LAMA2: variants seen among roughly 807,000 people sequenced by gnomAD.
LAMA2 encodes the protein laminin subunit alpha-2.
A neutral mutation model predicts 364.8 loss-of-function variants in LAMA2; 269 were observed. That is an observed-to-expected ratio of 0.74 (90% CI 0.67 to 0.82). The LOEUF (loss-of-function observed/expected upper bound fraction) is 0.82. Among genes scored for constraint, LAMA2 ranks in the 40% least tolerant of loss-of-function variants. LAMA2 has a pLI of 0.00. For synonymous variants in LAMA2, 1,379 were observed against 1,370.6 expected (o/e 1.01, Z -0.14); for missense variants, 3,807 against 3,873.2 (o/e 0.98, Z 0.45).
At chr6:128,920,311 C>T (rs1778613781) in intron 1 of LAMA2, among the ~76,000 whole-genome samples, 1 of 152,056 alleles carries the variant, frequency 6.6e-6, no homozygotes, top group African/African-American at 2.4e-5. Flanking sequence ...GCGTGTGCCA[C>T]CACGCCCAGC....
At chr6:128,953,309 A>G (rs767884795) in intron 1 of LAMA2, among the ~76,000 whole-genome samples, 1 of 152,164 alleles carries the variant, frequency 6.6e-6, no homozygotes, top group Non-Finnish European at 1.5e-5. Context: ...CTTGATTTTA[A>G]GTAAAAGCAA....
chr6:129,201,495 C>T (rs761680777), intron 12 of LAMA2, among the ~76,000 whole-genome samples: 5 of 152,162 alleles, frequency 3.3e-5, no homozygotes, highest in Non-Finnish European at 5.9e-5. Context: ...TGATACAGGG[C>T]TGCTAATAGT....
intron 5 of LAMA2, among the ~76,000 whole-genome samples, chr6:129,146,075 GAAAC>G (rs1778414199): frequency 6.7e-6 from 1 of 149,808 alleles, no homozygotes; most frequent in African/African-American, 2.5e-5. Context: ...GAAGGAAAAA[GAAAC>G]AAAGAAGTAA....
chr6:129,330,598 G>GT (rs1554273762), intron 29 of LAMA2, among the ~76,000 whole-genome samples: 8,846 of 88,546 alleles, frequency 0.1, 494 homozygotes, highest in East Asian at 0.27. Flanking sequence ...TTTGGTTTTT[G>GT]TTTTTTTTTT....
intron 40 of LAMA2, among the ~76,000 whole-genome samples, chr6:129,409,303 A>T (rs1260795718): frequency 1.3e-5 from 2 of 152,152 alleles, no homozygotes; most frequent in East Asian, 3.9e-4. Context: ...TCAACTGATC[A>T]TGGGGAACTC....
chr6:129,142,473 G>C (rs1407369121), intron 4 of LAMA2, among the ~76,000 whole-genome samples: 1 of 151,932 alleles, frequency 6.6e-6, no homozygotes, highest in Non-Finnish European at 1.5e-5. Context: ...CCTACCAAAC[G>C]CCTTGCCCCC....
At chr6:129,487,616 C>T (rs1293921026) in intron 56 of LAMA2, among the ~76,000 whole-genome samples, 1 of 152,290 alleles carries the variant, frequency 6.6e-6, no homozygotes, top group East Asian at 1.9e-4. Context: ...CCTACATTTA[C>T]TAATTATCCT....
At chr6:129,112,100 T>G (rs1776193448) in intron 4 of LAMA2, among the ~76,000 whole-genome samples, 1 of 152,036 alleles carries the variant, frequency 6.6e-6, no homozygotes, top group Non-Finnish European at 1.5e-5. Flanking sequence ...TTACATGTTT[T>G]AAAACCTGAC....
At chr6:129,453,260 A>G in intron 46 of LAMA2, 129 bp downstream of exon 46, 1 of 853,936 alleles carries the variant, frequency 1.2e-6, no homozygotes, top group Non-Finnish European at 1.9e-6. Flanking sequence ...AGATTTGAAA[A>G]CCTCAACGTC....
At chr6:129,236,705 A>G (rs1394311572) in intron 12 of LAMA2, among the ~76,000 whole-genome samples, 2 of 152,134 alleles carry the variant, frequency 1.3e-5, no homozygotes, top group Admixed American at 1.3e-4. Context: ...TAATAGATTA[A>G]TATATACTCA....
At chr6:128,983,014 G>A (rs550182885) in intron 1 of LAMA2, among the ~76,000 whole-genome samples, 2 of 150,284 alleles carry the variant, frequency 1.3e-5, no homozygotes, top group Non-Finnish European at 2.9e-5. Context: ...GTCTATCATT[G>A]TTGTACATTT....
rs1482250793 is a variant in LAMA2 at position 129,267,228 on chromosome 6, T to A, written c.2322+9T>A. 1 of 1,562,094 alleles carries A rather than the reference T, an allele frequency of 6.4e-7. No individual in the cohort carries two copies. The highest frequency in any genetic ancestry group is 8.8e-7 in the Non-Finnish European group (1 of 1,132,708). ...TCACTGGAGAATGCCTGGTAAGTGC[T>A]CTCTTCTTTGGGGATGCTGATTGAC... On this transcript the variant is annotated intron_variant, in intron 16 of 64. Coordinates refer to ENST00000421865, the MANE Select transcript of LAMA2 (RefSeq NM_000426.4).
intron 1 of LAMA2, among the ~76,000 whole-genome samples, chr6:129,047,497 G>T (rs548607382): frequency 6.6e-6 from 1 of 152,262 alleles, no homozygotes; most frequent in South Asian, 2.1e-4. Context: ...ACACAAGGCA[G>T]GAGGCCAGAT....
chr6:129,209,299 T>C (rs1782927718), intron 12 of LAMA2, among the ~76,000 whole-genome samples: 1 of 152,246 alleles, frequency 6.6e-6, no homozygotes, highest in South Asian at 2.1e-4. Flanking sequence ...TCCGAAACTC[T>C]TTTGAAACTT....
At chr6:129,214,448 C>T (rs1035859624) in intron 12 of LAMA2, among the ~76,000 whole-genome samples, 1 of 152,174 alleles carries the variant, frequency 6.6e-6, no homozygotes, top group Non-Finnish European at 1.5e-5. Flanking sequence ...GGAACCAAAC[C>T]TCACTATGGA....
At chr6:129,511,695 T>C (rs1030546087) in intron 62 of LAMA2, among the ~76,000 whole-genome samples, 34 of 151,126 alleles carry the variant, frequency 2.2e-4, no homozygotes, top group African/African-American at 7.5e-4. Context: ...TCCTAAGTGA[T>C]GTATCTATCT....
rs76003496 is a variant in LAMA2 at position 129,411,123 on chromosome 6, T to A, written c.5865+7164T>A. ...CTCACAGACACACCCGGAAATAATG[T>A]TTAATTTAGGTGCCCATGGCCAGTC... On this transcript the variant is annotated intron_variant, in intron 40 of 64. Transcript: ENST00000421865. Among the ~76,000 whole-genome samples the A allele has an allele frequency of 6.1e-3, 928 of 152,282 alleles. 7 individuals are homozygous for A. Among genetic ancestry groups the A allele is most frequent in the African/African-American group, 0.022 (899 of 41,552 alleles).
At chr6:129,055,189 T>TTATTAG (rs1788399341) in intron 2 of LAMA2, among the ~76,000 whole-genome samples, 1 of 68,612 alleles carries the variant, frequency 1.5e-5, no homozygotes, top group African/African-American at 4.4e-5. Context: ...ATTATTATTA[T>TTATTAG]TATTATTATT....
chr6:129,349,600 C>A (rs1776746540), intron 31 of LAMA2, among the ~76,000 whole-genome samples: 1 of 151,542 alleles, frequency 6.6e-6, no homozygotes. Context: ...TCAAAGATTC[C>A]AAACTATTTA....
Sources: allele counts gnomAD v4.1 joint callset (sites outside exome capture counted in the v4.1 genomes callset), GRCh38; gene constraint gnomAD v4.1.1; transcripts MANE v1.5; gene names NCBI Gene and HGNC (gene_info 2026-07-23, HGNC 2026-07-21).